The following SWT1 variants were observed in gnomAD, a reference collection of about 807,000 sequenced individuals.
SWT1 encodes transcriptional protein SWT1.
Under a neutral mutation model 107.3 loss-of-function variants are expected in SWT1, and 33 were observed. That is an observed-to-expected ratio of 0.31 (90% CI 0.23 to 0.41). SWT1 has a LOEUF of 0.41. Among genes scored for constraint, SWT1 ranks in the 10% least tolerant of loss-of-function variants. The pLI is 1.00. For missense variants in SWT1, 898 were observed against 1,028.9 expected, an observed-to-expected ratio of 0.87 and a Z score of 1.74; for synonymous variants, 345 against 348.3, an observed-to-expected ratio of 0.99 and a Z score of 0.11.
chr1:185,243,349 A>G (rs1320408537), intron 16 of SWT1, among the ~76,000 whole-genome samples: 2 of 152,232 alleles, frequency 1.3e-5, no homozygotes, highest in East Asian at 1.9e-4. Context: ...GACTCAAGCA[A>G]TGCATCTTCT....
intron 5 of SWT1, among the ~76,000 whole-genome samples, chr1:185,179,752 C>A (rs1200609): frequency 0.99 from 151,142 of 152,332 alleles, 74,985 homozygotes; most frequent in Middle Eastern, 1. Context: ...TATTTTTATG[C>A]ATCTGTATAT....
At chr1:185,231,533 A>C (rs756293257) in intron 15 of SWT1, 44 bp from the exon 16 acceptor site, 1 of 1,386,552 alleles carries the variant, frequency 7.2e-7, no homozygotes, top group South Asian at 1.3e-5. Context: ...ATTACATTAA[A>C]TATGTATGTA....
rs754968668 is a variant in SWT1, at chr1:185,175,022, C to T, written c.875C>T (p.Thr292Ile). The change falls in exon 5 of 19, where the codon ACA becomes ATA. Residue 292 changes from threonine to isoleucine, a missense_variant. By Grantham distance (89) the Thr-to-Ile change is moderately conservative (BLOSUM62 -1). This residue lies in a region of SWT1 where 382 missense variants were observed against 362.4 expected (regional missense o/e 1.05). Transcript: ENST00000367500. ...QKTEHLLSDF[T>I]YKRTVHEWKR... ...ACTGAACATTTACTTTCAGATTTTA[C>T]ATATAAGCGGACTGTTCATGAGTGG... 2.5e-6 allele frequency: 4 copies of T among 1,613,494 alleles called. No homozygotes were observed. The East Asian group carries it at 8.9e-5, about 36-fold the overall frequency.
At chr1:185,277,912 T>TC (rs1664353086) in intron 18 of SWT1, among the ~76,000 whole-genome samples, 1 of 152,204 alleles carries the variant, frequency 6.6e-6, no homozygotes, top group African/African-American at 2.4e-5. Context: ...TACTTTTTTT[T>TC]CCAAAATGAT....
At chr1:185,202,036 A>G (rs1657925080) in intron 10 of SWT1, among the ~76,000 whole-genome samples, 1 of 152,132 alleles carries the variant, frequency 6.6e-6, no homozygotes, top group Admixed American at 6.5e-5. Flanking sequence ...CTGGAAGCCT[A>G]CTGGCCTCCA....
chr1:185,253,326 A>G (rs1324768451), intron 16 of SWT1, among the ~76,000 whole-genome samples: 14 of 151,090 alleles, frequency 9.3e-5, no homozygotes, highest in African/African-American at 3.4e-4. Flanking sequence ...GAAGAAAGGC[A>G]TTGGTAGCTT....
At chr1:185,271,114 A>G (rs971203753) in intron 16 of SWT1, among the ~76,000 whole-genome samples, 1 of 152,256 alleles carries the variant, frequency 6.6e-6, no homozygotes, top group African/African-American at 2.4e-5. Flanking sequence ...AATTTAAATA[A>G]GCAAAAACAT....
In SWT1 at chr1:185,181,930, G is replaced by T. The variant is rs765213946; in HGVS notation, c.1027-16G>T. The stretch of plus-strand genomic sequence containing the variant: ...AAGTAACTCAAAATATTTCACTGGG[G>T]TCTTTTACACTTTAGATGCAGATAG... On this transcript the variant is annotated splice_polypyrimidine_tract_variant and intron_variant, in intron 6 of 18. Transcript: ENST00000367500. 12 of 1,613,050 alleles carry T rather than the reference G, an allele frequency of 7.4e-6. No individual in the cohort carries two copies. Among genetic ancestry groups the T allele is most frequent in the Admixed American group, 3.3e-5 (2 of 59,914 alleles).
chr1:185,278,689 A>G (rs141722874), intron 18 of SWT1, among the ~76,000 whole-genome samples: 119 of 152,312 alleles, frequency 7.8e-4, no homozygotes, highest in African/African-American at 2.8e-3. Flanking sequence ...GCATTCGTAA[A>G]TGTCGCCACT....
At chr1:185,163,334 A>C (rs534295468) in intron 2 of SWT1, among the ~76,000 whole-genome samples, 2 of 152,228 alleles carry the variant, frequency 1.3e-5, no homozygotes, top group African/African-American at 4.8e-5. Context: ...AGTAGAAATC[A>C]ATCTCAAGAA....
chr1:185,174,530 T>C lies in SWT1; in HGVS notation c.383T>C (p.Val128Ala), dbSNP rs913035333. 1.8e-5 allele frequency: 29 copies of C among 1,610,056 alleles called. No homozygotes were observed. The highest frequency in any genetic ancestry group is 2.0e-5 in the Non-Finnish European group (23 of 1,178,898). ...NGTKKDIHKC[V>A]DFKPKDIKLT... Reference sequence around the variant, plus strand: ...ACTAAAAAAGACATACATAAATGTGTAGACTTTAAACCTAAAGATATCAAA... The same window carrying C: ...ACTAAAAAAGACATACATAAATGTGCAGACTTTAAACCTAAAGATATCAAA... Residue 128 changes from valine to alanine, a missense_variant, in exon 5 of 19, where the codon GTA (valine) becomes GCA (alanine). This residue lies in a region of SWT1 where 382 missense variants were observed against 362.4 expected (regional missense o/e 1.05). Transcript: ENST00000367500.
chr1:185,274,106 T>G (rs576316312), intron 17 of SWT1, among the ~76,000 whole-genome samples: 106 of 152,158 alleles, frequency 7.0e-4, no homozygotes, highest in Non-Finnish European at 5.9e-4. Flanking sequence ...CCAAGAGTAT[T>G]AGAAGAAAGT....
rs1350074320 is a variant in SWT1 at position 185,206,675 on chromosome 1, TA to T, written c.1890del (p.Lys630AsnfsTer9). On this transcript the variant is annotated frameshift_variant, in exon 13 of 19. Coordinates refer to ENST00000367500, the MANE Select transcript of SWT1 (RefSeq NM_017673.7). LOFTEE classifies it high-confidence loss of function. ...CTCTACTACATTTACTACAGTGCTT[TA>T]AAAAACATTGGTTGGCTGTATTTGG... ...WTLLHLLQCF[K>X]KHWLAVFGLV... 1 of 1,609,724 alleles carries T rather than the reference TA, an allele frequency of 6.2e-7. No homozygotes were observed. Among genetic ancestry groups the T allele is most frequent in the Non-Finnish European group, 8.5e-7 (1 of 1,177,366 alleles).
At chr1:185,269,109 C>T (rs1011774324) in intron 16 of SWT1, among the ~76,000 whole-genome samples, 2 of 152,170 alleles carry the variant, frequency 1.3e-5, no homozygotes, top group African/African-American at 2.4e-5. Flanking sequence ...GCCTCAGCCT[C>T]CCAAAGTGCT....
chr1:185,214,315 C>T (rs1197812672), intron 13 of SWT1, among the ~76,000 whole-genome samples, 192 bp from the exon 14 acceptor site: 3 of 152,168 alleles, frequency 2.0e-5, no homozygotes, highest in Non-Finnish European at 4.4e-5. Context: ...CCAGAATCAA[C>T]TCAAAGGACT....
At chr1:185,247,033 G>A (rs992362505) in intron 16 of SWT1, among the ~76,000 whole-genome samples, 15 of 152,122 alleles carry the variant, frequency 9.9e-5, no homozygotes, top group African/African-American at 3.1e-4. Context: ...TTTTCTTGTT[G>A]ATTGCGTGTG....
chr1:185,184,244 A>C lies in SWT1; in HGVS notation c.1140A>C (p.Ala380=). 6.7e-7 allele frequency: 1 copy of C among 1,484,222 alleles called. No homozygotes were observed. 91.9% of individuals were successfully genotyped at this position (1,484,222 alleles called of 1,614,324 possible). A position where few individuals can be genotyped will look rare whatever the true frequency, so the allele number is the denominator to read the frequency against. Residue 380 remains alanine (A), a splice_region_variant and synonymous_variant, in exon 8 of 19, where the codon GCA becomes GCC. Coordinates refer to ENST00000367500, the MANE Select transcript of SWT1 (RefSeq NM_017673.7). The part of the protein sequence containing the change: ...DLEDDVHSSS[A]NNTSDRKLLI... ...GAAATATTTGCTCTTTTTCTTTAGC[A>C]AATAATACTTCAGACAGAAAGCTTC...
rs140139500 is a variant in SWT1 at position 185,244,231 on chromosome 1, C to T, written c.2441+12523C>T. Among the ~76,000 whole-genome samples the T allele has an allele frequency of 3.3e-3, 497 of 152,256 alleles. 3 individuals carry two copies. The highest frequency in any genetic ancestry group is 0.012 in the African/African-American group (479 of 41,544). ...GGGATTACAGATGTGAGCTACCACA[C>T]CCAGCTAGTCATACATATCTTAATG... On this transcript the variant is annotated intron_variant, in intron 16 of 18. Transcript: ENST00000367500.
intron 16 of SWT1, among the ~76,000 whole-genome samples, chr1:185,259,557 T>C (rs1276313719): frequency 1.3e-5 from 2 of 152,122 alleles, no homozygotes; most frequent in African/African-American, 4.8e-5. Flanking sequence ...TTGAGATCAG[T>C]AACTGTCAAC....
Sources: gnomAD v4.1 joint callset for allele counts (sites outside exome capture counted in the v4.1 genomes callset) on GRCh38, gnomAD v4.1.1 for gene constraint, gnomAD v4.1.1 regional missense constraint, MANE v1.5 for transcripts, NCBI Gene and HGNC (gene_info 2026-07-23, HGNC 2026-07-21) for gene names.